Variants in DCC observed in about 807,000 individuals in gnomAD.
DCC encodes DCC netrin 1 receptor, also known as netrin receptor DCC.
Under a neutral mutation model 172.5 loss-of-function variants are expected in DCC, and 58 were observed. That is an observed-to-expected ratio of 0.34 (90% CI 0.27 to 0.42). The LOEUF (loss-of-function observed/expected upper bound fraction) is 0.42, where lower values mean the gene tolerates loss of function less well. Ranked by LOEUF, DCC falls within the 10% of genes least tolerant of loss-of-function variation. DCC has a pLI of 1.00. For missense variants in DCC, 1,740 were observed against 1,791.0 expected (o/e 0.97, Z 0.51); for synonymous variants, 709 against 644.5 (o/e 1.10, Z -1.52).
intron 5 of DCC, among the ~76,000 whole-genome samples, chr18:52,948,124 ATGT>A (rs1284393777): frequency 3.3e-5 from 5 of 152,224 alleles, no homozygotes; most frequent in East Asian, 3.8e-4. Context: ...ATCTAAAAGA[ATGT>A]TGTTACTGAT....
chr18:52,372,785 G>A (rs1985178409), intron 1 of DCC, among the ~76,000 whole-genome samples: 1 of 152,130 alleles, frequency 6.6e-6, no homozygotes, highest in Non-Finnish European at 1.5e-5. Context: ...AAGCAATGTG[G>A]CAGCTGCACA....
At chr18:52,765,682 A>T (rs1256369073) in intron 2 of DCC, among the ~76,000 whole-genome samples, 1 of 152,174 alleles carries the variant, frequency 6.6e-6, no homozygotes, top group Non-Finnish European at 1.5e-5. Flanking sequence ...TCTCATAAAG[A>T]CACAGACCAT....
intron 2 of DCC, among the ~76,000 whole-genome samples, chr18:52,898,430 G>A (rs191789975): frequency 6.6e-6 from 1 of 152,274 alleles, no homozygotes; most frequent in Non-Finnish European, 1.5e-5. Context: ...CATAAACCTG[G>A]ACTGTGAAAT....
chr18:52,699,362 A>G (rs894650244), intron 1 of DCC, among the ~76,000 whole-genome samples: 4 of 152,050 alleles, frequency 2.6e-5, no homozygotes, highest in African/African-American at 9.6e-5. Context: ...TTGTCCTGTA[A>G]TTTTCTCTGA....
chr18:52,566,697 A>G (rs2144750308), intron 1 of DCC, among the ~76,000 whole-genome samples: 1 of 152,256 alleles, frequency 6.6e-6, no homozygotes, highest in African/African-American at 2.4e-5. Context: ...GGAATTGGGA[A>G]AACAAGATTC....
intron 10 of DCC, among the ~76,000 whole-genome samples, chr18:53,207,249 G>A (rs2055667036): frequency 6.6e-6 from 1 of 152,278 alleles, no homozygotes; most frequent in African/African-American, 2.4e-5. Context: ...TTGTGGCAAA[G>A]TGTCTGACAG....
intron 7 of DCC, among the ~76,000 whole-genome samples, chr18:53,099,499 C>T (rs557078485): frequency 6.6e-6 from 1 of 152,238 alleles, no homozygotes; most frequent in Non-Finnish European, 1.5e-5. Context: ...TCAATTCTGC[C>T]GTTGCTAGTT....
intron 5 of DCC, among the ~76,000 whole-genome samples, chr18:53,028,379 C>A (rs762047943): frequency 1.9e-4 from 29 of 152,004 alleles, no homozygotes; most frequent in Non-Finnish European, 7.4e-5. Context: ...AAGCCCCTGT[C>A]CCCCCAGCTA....
At position 53,391,787 on chromosome 18, in the gene DCC, G is replaced by T. The variant is rs898442904; in HGVS notation, c.2588G>T (p.Ser863Ile). The T allele has an allele frequency of 5.0e-6, 8 of 1,613,910 alleles. No individual in the cohort carries two copies. The African/African-American group carries it at 1.1e-4, about 22-fold the overall frequency. The change falls in exon 17 of 29, where the codon AGC becomes ATC. Residue 863 changes from serine (S) to isoleucine (I), a missense_variant. By Grantham distance (142) the Ser-to-Ile change is moderately radical (BLOSUM62 -2). Around this residue, in one of 2 missense-constraint regions of DCC, gnomAD observed 1,732 missense variants for 1,767.4 expected, o/e 0.98. Coordinates refer to ENST00000442544, the MANE Select transcript of DCC (RefSeq NM_005215.4). ...VALTHDAVRV[S>I]WADNSVPKNQ... ...CTTACCCATGATGCTGTGAGGGTCA[G>T]CTGGGCAGACAACTCTGTCCCTAAG...
At chr18:52,407,344 A>G (rs1219946108) in intron 1 of DCC, among the ~76,000 whole-genome samples, 1 of 152,114 alleles carries the variant, frequency 6.6e-6, no homozygotes, top group Non-Finnish European at 1.5e-5. Flanking sequence ...GATGAAAGAT[A>G]TGTTGAGTAA....
At chr18:52,534,891 T>C (rs533721644) in intron 1 of DCC, among the ~76,000 whole-genome samples, 2 of 152,320 alleles carry the variant, frequency 1.3e-5, no homozygotes, top group South Asian at 4.1e-4. Context: ...CCTGGCATAT[T>C]GGCTTCCCAT....
chr18:52,759,829 A>T (rs945231262), intron 2 of DCC, among the ~76,000 whole-genome samples: 1 of 152,234 alleles, frequency 6.6e-6, no homozygotes, highest in Non-Finnish European at 1.5e-5. Flanking sequence ...TAACAAATTT[A>T]TTTAAACAAA....
chr18:52,893,820 A>G lies in DCC; in HGVS notation c.413-12224A>G, dbSNP rs373461563. On this transcript the variant is annotated intron_variant, in intron 2 of 28. Transcript: ENST00000442544. ...AGTGCTACTGTGTACCTAGGGAATAATACCAAAACACAGGAGTCATAGATT... is the reference window on the plus strand; with the variant it reads ...AGTGCTACTGTGTACCTAGGGAATAGTACCAAAACACAGGAGTCATAGATT... Among the ~76,000 whole-genome samples the G allele has an allele frequency of 1.4e-4, 22 of 152,278 alleles. No homozygotes were observed. In the East Asian group the frequency reaches 4.1e-3, roughly 28 times the overall value.
At chr18:52,548,390 G>A (rs1258096397) in intron 1 of DCC, among the ~76,000 whole-genome samples, 3 of 152,044 alleles carry the variant, frequency 2.0e-5, no homozygotes, top group Admixed American at 6.6e-5. Flanking sequence ...GAGACTGAGG[G>A]GTTTTCCAGG....
chr18:53,267,086 A>G (rs2056683732), intron 12 of DCC, among the ~76,000 whole-genome samples: 1 of 150,198 alleles, frequency 6.7e-6, no homozygotes, highest in Admixed American at 6.7e-5. Flanking sequence ...TAACCTTTAT[A>G]TACACACACA....
intron 18 of DCC, among the ~76,000 whole-genome samples, chr18:53,397,899 G>T (rs1003938639): frequency 2.6e-5 from 4 of 152,174 alleles, no homozygotes; most frequent in African/African-American, 9.6e-5. Flanking sequence ...AACCTTGGCT[G>T]GATATGGGAA....
intron 7 of DCC, among the ~76,000 whole-genome samples, chr18:53,083,693 G>A (rs948713289): frequency 1.3e-5 from 2 of 152,114 alleles, no homozygotes; most frequent in Non-Finnish European, 2.9e-5. Flanking sequence ...AGCATCATGT[G>A]AAAAAATCTA....
At position 53,376,119 on chromosome 18, in the gene DCC, C is replaced by A. The variant is rs546170531; in HGVS notation, c.2360-9924C>A. 6.6e-5 allele frequency among the ~76,000 whole-genome samples: 10 copies of A among 152,174 alleles called. No individual in the cohort carries two copies. The South Asian group carries it at 2.1e-3, about 32-fold the overall frequency. On this transcript the variant is annotated intron_variant, in intron 15 of 28. Transcript: ENST00000442544. ...ATTATTTTAAAAATCAAGCCAGACG[C>A]GGTGACGTGTGGCTGTAATCCCAGC...
At chr18:53,045,377 T>A (rs1319410210) in intron 5 of DCC, among the ~76,000 whole-genome samples, 1 of 151,860 alleles carries the variant, frequency 6.6e-6, no homozygotes, top group East Asian at 1.9e-4. Context: ...TTCATGGATA[T>A]AGAGGAGAGG....
Sources: allele counts gnomAD v4.1 joint callset (sites outside exome capture counted in the v4.1 genomes callset), GRCh38; gene constraint gnomAD v4.1.1; regional missense constraint gnomAD v4.1.1; transcripts MANE v1.5; gene names NCBI Gene and HGNC (gene_info 2026-07-23, HGNC 2026-07-21).